The following CLEC18A variants were observed in gnomAD, a reference collection of about 807,000 sequenced individuals.
CLEC18A encodes mannose receptor-like 1.
A neutral mutation model predicts 24.0 loss-of-function variants in CLEC18A; 5 were observed. The observed-to-expected ratio is 0.21, with a 90% CI of 0.11 to 0.44. The LOEUF is 0.44. Ranked by LOEUF, CLEC18A falls within the 20% of genes least tolerant of loss-of-function variation. CLEC18A has a pLI of 0.99. For missense variants in CLEC18A, 83 were observed against 233.4 expected (o/e 0.36, Z 4.20); for synonymous variants, 29 against 100.1 (o/e 0.29, Z 4.24).
chr16:69,964,302 G>T (rs1211333290), downstream of CLEC18A: 1 of 149,592 alleles, frequency 6.7e-6, no homozygotes, highest in African/African-American at 2.5e-5. Context: ...CAGGGCCAAT[G>T]GTAGTCAGAG....
At chr16:69,965,279 G>A (rs1567464308), downstream of CLEC18A, among the ~76,000 whole-genome samples, 1 of 151,970 alleles carries the variant, frequency 6.6e-6, no homozygotes, top group Non-Finnish European at 1.5e-5. Context: ...ACTGGCGCAA[G>A]GTCGCCTGCG....
chr16:69,955,873 A>T (rs2059027602), intron 3 of CLEC18A, among the ~76,000 whole-genome samples: 1 of 151,932 alleles, frequency 6.6e-6, no homozygotes. Context: ...CGCTCTTCAG[A>T]TGCACTGAAA....
chr16:69,956,949 C>A (rs964342793), intron 3 of CLEC18A, among the ~76,000 whole-genome samples: 2 of 147,732 alleles, frequency 1.4e-5, no homozygotes, highest in African/African-American at 5.0e-5. Flanking sequence ...GGTAATCCAC[C>A]TGCCTCGGCC....
chr16:69,945,334 C>T, the CLEC18A span, among the ~76,000 whole-genome samples: 2 of 151,858 alleles, frequency 1.3e-5, no homozygotes, highest in African/African-American at 4.9e-5. Flanking sequence ...ATTGTTCATT[C>T]TGTTCCCTTG....
chr16:69,955,934 G>A, intron 3 of CLEC18A, among the ~76,000 whole-genome samples: 1 of 152,078 alleles, frequency 6.6e-6, no homozygotes, highest in East Asian at 1.9e-4. Flanking sequence ...ACCTGTGCAA[G>A]TGGGTTGTGC....
chr16:69,966,459 G>A (rs557488668), downstream of CLEC18A, among the ~76,000 whole-genome samples: 57 of 139,072 alleles, frequency 4.1e-4, no homozygotes, highest in African/African-American at 1.0e-3. Context: ...AGATGGTGAT[G>A]CGAATGACCT....
downstream of CLEC18A, among the ~76,000 whole-genome samples, chr16:69,965,131 G>A (rs1399783656): frequency 1.3e-5 from 2 of 151,612 alleles, no homozygotes; most frequent in Non-Finnish European, 2.9e-5. Flanking sequence ...GCTTCCCATG[G>A]CTTCGCCTGT....
chr16:69,955,456 C>A (rs1460261027), intron 3 of CLEC18A, among the ~76,000 whole-genome samples: 5 of 151,076 alleles, frequency 3.3e-5, no homozygotes, highest in Admixed American at 6.6e-5. Context: ...ATTCAAGTGA[C>A]TGTCCTGCCT....
chr16:69,944,994 T>C, the CLEC18A span, among the ~76,000 whole-genome samples: 39 of 144,540 alleles, frequency 2.7e-4, no homozygotes, highest in African/African-American at 1.1e-3. Flanking sequence ...TACAAAAAAT[T>C]AGCCGGGCAT....
At chr16:69,965,519 G>T (rs1959359106), downstream of CLEC18A, among the ~76,000 whole-genome samples, 1 of 151,226 alleles carries the variant, frequency 6.6e-6, no homozygotes, top group Admixed American at 6.6e-5. Flanking sequence ...AGCACAGGCG[G>T]GGCGGCCGAG....
the CLEC18A span, among the ~76,000 whole-genome samples, chr16:69,945,666 C>A: frequency 1.3e-5 from 2 of 152,280 alleles, no homozygotes; most frequent in African/African-American, 4.8e-5. Flanking sequence ...ATAAACACAA[C>A]AACAACAAAA....
upstream of CLEC18A, among the ~76,000 whole-genome samples, chr16:69,946,822 T>G (rs1271405618): frequency 1.3e-5 from 1 of 74,496 alleles, no homozygotes; most frequent in Non-Finnish European, 2.3e-5. Context: ...GTAGGGTTTT[T>G]TTTTTTTTTA....
At chr16:69,950,350 AC>A (rs1470195750), upstream of CLEC18A, among the ~76,000 whole-genome samples, 1 of 128,248 alleles carries the variant, frequency 7.8e-6, no homozygotes, top group East Asian at 2.1e-4. Context: ...TGGTTGAATA[AC>A]CTTTGGTCTT....
rs749990492 is a variant in CLEC18A, at chr16:69,954,545, G to A, written c.428G>A (p.Arg143His). 19 of 1,611,832 alleles carry A rather than the reference G, an allele frequency of 1.2e-5. No individual in the cohort carries two copies. The highest frequency in any genetic ancestry group is 1.1e-4 in the African/African-American group (8 of 74,888). Reference sequence around the variant, plus strand: ...AGCCACGCGGCAGGAGAGTGTGCTCGCAACGCCACCTGCACCCACTACACG... The same window carrying A: ...AGCCACGCGGCAGGAGAGTGTGCTCACAACGCCACCTGCACCCACTACACG... ...RYSHAAGECARNATCTHYTQL... is the reference protein window; with the variant it reads ...RYSHAAGECAHNATCTHYTQL... The change falls in exon 3 of 12, where the codon CGC becomes CAC. Residue 143 changes from arginine (R) to histidine (H), a missense_variant. Arg to His is a conservative substitution (Grantham distance 29). Transcript: ENST00000288040.
intron 2 of CLEC18A, 84 bp downstream of exon 2, chr16:69,952,210 TC>T: frequency 1.8e-6 from 1 of 541,824 alleles, no homozygotes; most frequent in Non-Finnish European, 3.1e-6. Context: ...GCCACGCCTG[TC>T]CAGGTGCCCT....
chr16:69,964,958 C>A (rs1333519788), downstream of CLEC18A, among the ~76,000 whole-genome samples: 1 of 152,056 alleles, frequency 6.6e-6, no homozygotes, highest in Non-Finnish European at 1.5e-5. Context: ...CGCACCACCA[C>A]GCCCCGCTAT....
upstream of CLEC18A, among the ~76,000 whole-genome samples, chr16:69,946,779 A>G (rs1258905372): frequency 4.4e-5 from 5 of 114,814 alleles, no homozygotes; most frequent in East Asian, 1.5e-3. Flanking sequence ...GGATTTTGGT[A>G]TGTTAATTTT....
At chr16:69,965,539 TCCCA>T (rs1158774264), downstream of CLEC18A, among the ~76,000 whole-genome samples, 1 of 150,262 alleles carries the variant, frequency 6.7e-6, no homozygotes, top group Non-Finnish European at 1.5e-5. Flanking sequence ...GCCGAGACCT[TCCCA>T]CCCCGCCCCA....
In CLEC18A at chr16:69,957,388, T is replaced by G. The variant is rs1488495400; in HGVS notation, c.457-1554T>G. Among the ~76,000 whole-genome samples the G allele has an allele frequency of 8.2e-5, 4 of 48,774 alleles. 2 individuals carry two copies. The highest frequency in any genetic ancestry group is 1.4e-4 in the Non-Finnish European group (4 of 29,538). The allele number at this position is 48,774 out of a possible 152,430, so 32.0% of individuals were successfully genotyped here. On this transcript the variant is annotated intron_variant, in intron 3 of 11. Transcript: ENST00000288040. Reference sequence around the variant, plus strand: ...ATGTTGGCCAGGCTGATCTTGAACTTCTGAACTCACATGAGCCACCCAACT... The same window carrying G: ...ATGTTGGCCAGGCTGATCTTGAACTGCTGAACTCACATGAGCCACCCAACT...
Sources: allele counts gnomAD v4.1 joint callset (sites outside exome capture counted in the v4.1 genomes callset), GRCh38; gene constraint gnomAD v4.1.1; transcripts MANE v1.5; gene names NCBI Gene and HGNC (gene_info 2026-07-23, HGNC 2026-07-21).